Variants in OPRL1 observed in about 807,000 individuals in gnomAD.
The protein encoded by OPRL1 is opioid related nociceptin receptor 1.
A neutral mutation model predicts 15.5 loss-of-function variants in OPRL1; 5 were observed. That is an observed-to-expected ratio of 0.32 (90% CI 0.17 to 0.68). The LOEUF (loss-of-function observed/expected upper bound fraction) is 0.68, where lower values mean the gene tolerates loss of function less well. Among genes scored for constraint, OPRL1 ranks in the 30% least tolerant of loss-of-function variants. The pLI is 0.72. For missense variants in OPRL1, 406 were observed against 515.3 expected (o/e 0.79, Z 2.05); for synonymous variants, 223 against 230.2 (o/e 0.97, Z 0.28).
Position 64,083,644 on chromosome 20 carries a change from TC to T in OPRL1, c.-185+3294del. On this transcript the variant is annotated intron_variant, in intron 1 of 4. Transcript: ENST00000336866. This position sits in a 1 kb window ranked among gnomAD's most constrained non-coding sequence, Gnocchi z 4.9. ...CTTCAGCTGCGGCGGCAGGAACAGC[TC>T]CAGCCGGATGGCGGCGCGCGCGGAC... 6.9e-7 allele frequency: 1 copy of T among 1,451,370 alleles called. No individual in the cohort carries two copies. The highest frequency in any genetic ancestry group is 9.0e-7 in the Non-Finnish European group (1 of 1,107,076). 89.9% of individuals were successfully genotyped at this position (1,451,370 alleles called of 1,614,324 possible). A position where few individuals can be genotyped will look rare whatever the true frequency, so the allele number is the denominator to read the frequency against.
rs1431141923 is a variant in OPRL1, at chr20:64,083,651, G to T, written c.-185+3299G>T. 6.9e-7 allele frequency: 1 copy of T among 1,444,360 alleles called. No homozygotes were observed. The allele number at this position is 1,444,360 out of a possible 1,614,324, so 89.5% of individuals were successfully genotyped here. A position where few individuals can be genotyped will look rare whatever the true frequency, so the allele number is the denominator to read the frequency against. On this transcript the variant is annotated intron_variant, in intron 1 of 4. Coordinates refer to ENST00000336866, the MANE Select transcript of OPRL1 (RefSeq NM_182647.4). The surrounding 1 kb of genome is among the most constrained non-coding windows in gnomAD (Gnocchi z 4.9). ...TGCGGCGGCAGGAACAGCTCCAGCC[G>T]GATGGCGGCGCGCGCGGACTTCTGC...
intron 1 of OPRL1, among the ~76,000 whole-genome samples, chr20:64,080,815 C>T (rs2059958841): frequency 1.3e-5 from 2 of 152,222 alleles, no homozygotes; most frequent in African/African-American, 4.8e-5. Flanking sequence ...GCACTCCACC[C>T]GGATAGTTCC....
intron 2 of OPRL1, 25 bp from the exon 3 acceptor site, chr20:64,092,663 C>A: frequency 6.5e-7 from 1 of 1,545,124 alleles, no homozygotes; most frequent in Non-Finnish European, 8.8e-7. Flanking sequence ...GCACTGCAGC[C>A]ACTTGTCTCT....
intron 3 of OPRL1, among the ~76,000 whole-genome samples, chr20:64,094,429 G>T (rs191066372): frequency 2.2e-4 from 1 of 4,500 alleles, no homozygotes; most frequent in Non-Finnish European, 4.3e-4. Flanking sequence ...AGTGTGGGGG[G>T]CAGTGTGGGG....
Position 64,083,358 on chromosome 20 carries a change from C to T in OPRL1, c.-185+3006C>T. 6.2e-7 allele frequency: 1 copy of T among 1,602,278 alleles called. No homozygotes were observed. Among genetic ancestry groups the T allele is most frequent in the Non-Finnish European group, 8.5e-7 (1 of 1,174,852 alleles). Reference sequence around the variant, plus strand: ...CCCTCGGGGTCCTGGGGAGTGGCAGCAAAAAGACCAGCGAGCCTTCGGAGA... The same window carrying T: ...CCCTCGGGGTCCTGGGGAGTGGCAGTAAAAAGACCAGCGAGCCTTCGGAGA... On this transcript the variant is annotated intron_variant, in intron 1 of 4. Coordinates refer to ENST00000336866, the MANE Select transcript of OPRL1 (RefSeq NM_182647.4). The surrounding 1 kb of genome is among the most constrained non-coding windows in gnomAD (Gnocchi z 4.9).
Position 64,083,404 on chromosome 20 carries a change from G to A in OPRL1, c.-185+3052G>A, listed in dbSNP as rs1422087178. The A allele has an allele frequency of 6.2e-7, 1 of 1,611,758 alleles. No homozygotes were observed. Among genetic ancestry groups the A allele is most frequent in the Non-Finnish European group, 8.5e-7 (1 of 1,179,564 alleles). On this transcript the variant is annotated intron_variant, in intron 1 of 4. Transcript: ENST00000336866. The surrounding 1 kb of genome is among the most constrained non-coding windows in gnomAD (Gnocchi z 4.9). ...GGAGAATTATAACTTTATGTGGGAG[G>A]CTGGGGCGCGTCGCACACTCTCAGT...
At chr20:64,085,597 T>C (rs143970092) in intron 1 of OPRL1, among the ~76,000 whole-genome samples, 8 of 152,358 alleles carry the variant, frequency 5.3e-5, no homozygotes, top group African/African-American at 1.9e-4. Flanking sequence ...TTCACGTGCT[T>C]ATTCCACAGT....
chr20:64,087,623 C>T (rs928142428), intron 1 of OPRL1, among the ~76,000 whole-genome samples: 4 of 144,336 alleles, frequency 2.8e-5, no homozygotes, highest in South Asian at 2.3e-4. Context: ...CTAGTATCCT[C>T]GCACACAAGC....
At position 64,089,423 on chromosome 20, in the gene OPRL1, G is replaced by A. The variant is rs183437710; in HGVS notation, c.-184-2543G>A. On this transcript the variant is annotated intron_variant, in intron 1 of 4. Coordinates refer to ENST00000336866, the MANE Select transcript of OPRL1 (RefSeq NM_182647.4). This position sits in a 1 kb window ranked among gnomAD's most constrained non-coding sequence, Gnocchi z 5.5. Reference sequence around the variant, plus strand: ...TGGGTGAGAAGGCTTGGGGTCAAAAGAGGTGGGGGTCAGGGAGCTAGGTCT... The same window carrying A: ...TGGGTGAGAAGGCTTGGGGTCAAAAAAGGTGGGGGTCAGGGAGCTAGGTCT... 2.0e-5 allele frequency among the ~76,000 whole-genome samples: 3 copies of A among 152,094 alleles called. No individual in the cohort carries two copies. In the East Asian group the frequency reaches 5.8e-4, roughly 29 times the overall value.
rs550342271 is a variant in OPRL1 at position 64,099,155 on chromosome 20, G to T, written c.*356G>T. On this transcript the variant is annotated 3_prime_UTR_variant, in exon 5 of 5. Transcript: ENST00000336866. ...CCTCCCCGTGCTTCATGTGACTCTTGGCCTCTCTGCTGCTGCGTTGGCAGA... is the reference window on the plus strand; with the variant it reads ...CCTCCCCGTGCTTCATGTGACTCTTTGCCTCTCTGCTGCTGCGTTGGCAGA... The T allele has an allele frequency of 2.9e-5, 10 of 339,050 alleles. No homozygotes were observed. The East Asian group carries it at 4.8e-4, about 16-fold the overall frequency. 21.0% of individuals were successfully genotyped at this position (339,050 alleles called of 1,614,324 possible).
In OPRL1 at chr20:64,098,495, C is replaced by T. The variant is rs1239386537; in HGVS notation, c.809C>T (p.Ala270Val). The change falls in exon 5 of 5, where the codon GCT (alanine) becomes GTT (valine). Residue 270 changes from alanine to valine, a missense_variant. Coordinates refer to ENST00000336866, the MANE Select transcript of OPRL1 (RefSeq NM_182647.4). ...ACTCGGCTGGTGCTGGTGGTAGTGG[C>T]TGTGTTCGTGGGCTGCTGGACGCCT... Reference protein sequence around the residue: ...RITRLVLVVVAVFVGCWTPVQ... With the variant: ...RITRLVLVVVVVFVGCWTPVQ... The T allele has an allele frequency of 1.2e-6, 2 of 1,613,064 alleles. No homozygotes were observed. Among genetic ancestry groups the T allele is most frequent in the Non-Finnish European group, 1.7e-6 (2 of 1,180,012 alleles).
intron 1 of OPRL1, among the ~76,000 whole-genome samples, chr20:64,086,098 CGCT>C (rs1453259355): frequency 6.6e-6 from 1 of 152,184 alleles, no homozygotes; most frequent in African/African-American, 2.4e-5. Flanking sequence ...ACCCAGCAGC[CGCT>C]TTCTCTGGGC....
At chr20:64,085,911 C>T (rs2060043958) in intron 1 of OPRL1, among the ~76,000 whole-genome samples, 1 of 152,226 alleles carries the variant, frequency 6.6e-6, no homozygotes, top group African/African-American at 2.4e-5. Flanking sequence ...CCCCATCCCA[C>T]AGCTAGGCCC....
chr20:64,083,542 GCC>G lies in OPRL1; in HGVS notation c.-185+3193_-185+3194del, dbSNP rs745638296. 149 of 1,542,764 alleles carry G rather than the reference GCC, an allele frequency of 9.7e-5. No homozygotes were observed. In the African/African-American group the frequency reaches 2.0e-3, roughly 20 times the overall value. On this transcript the variant is annotated intron_variant, in intron 1 of 4. Coordinates refer to ENST00000336866, the MANE Select transcript of OPRL1 (RefSeq NM_182647.4). The surrounding 1 kb of genome is among the most constrained non-coding windows in gnomAD (Gnocchi z 4.9). Reference sequence around the variant, plus strand: ...TCCGGCGTGTGCGGAGGCGGGCAGGGCCCCTCCCCTTTCCCCGCCCCTACCGG... The same window carrying G: ...TCCGGCGTGTGCGGAGGCGGGCAGGGCCTCCCCTTTCCCCGCCCCTACCGG...
In OPRL1 at chr20:64,097,901, C is replaced by T. The variant is rs761519243; in HGVS notation, c.333C>T (p.Ile111=). The change falls in exon 4 of 5, where the codon ATC becomes ATT. Residue 111 remains isoleucine, a synonymous_variant. Transcript: ENST00000336866. The surrounding 1 kb of genome is among the most constrained non-coding windows in gnomAD (Gnocchi z 4.2). ...CGCTGCCCTTCCAGGGCACGGACATCCTCCTGGGCTTCTGGCCGTTTGGGA... is the reference window on the plus strand; with the variant it reads ...CGCTGCCCTTCCAGGGCACGGACATTCTCCTGGGCTTCTGGCCGTTTGGGA... ...LLTLPFQGTD[I]LLGFWPFGNA... is the part of the protein sequence containing the mutation. The T allele has an allele frequency of 6.2e-7, 1 of 1,613,664 alleles. No individual in the cohort carries two copies. Among genetic ancestry groups the T allele is most frequent in the Admixed American group, 1.7e-5 (1 of 60,036 alleles).
chr20:64,084,233 G>C (rs1601627758), intron 1 of OPRL1: 1 of 1,369,328 alleles, frequency 7.3e-7, no homozygotes, highest in East Asian at 3.1e-5. Flanking sequence ...CCCGCCCTGC[G>C]GAGGGAGGAG....
Position 64,092,796 on chromosome 20 carries a change from A to G in OPRL1, c.76A>G (p.Ser26Gly). Reference protein sequence around the residue: ...SHLQGNLSLLSPNHSLLPPHL... With the variant: ...SHLQGNLSLLGPNHSLLPPHL... ...CCTTCAGGGCAACCTGTCCCTCCTG[A>G]GCCCCAACCACAGTCTGCTGCCCCC... The change falls in exon 3 of 5, where the codon AGC becomes GGC. Residue 26 changes from serine (S) to glycine (G), a missense_variant. Ser to Gly is a moderately conservative substitution (Grantham distance 56, BLOSUM62 0). Transcript: ENST00000336866. 1 of 1,612,690 alleles carries G rather than the reference A, an allele frequency of 6.2e-7. No homozygotes were observed. Among genetic ancestry groups the G allele is most frequent in the Non-Finnish European group, 8.5e-7 (1 of 1,179,936 alleles).
At chr20:64,081,376 G>A (rs1029397091) in intron 1 of OPRL1, among the ~76,000 whole-genome samples, 1 of 152,230 alleles carries the variant, frequency 6.6e-6, no homozygotes, top group Non-Finnish European at 1.5e-5. Context: ...CCTGGCCCAG[G>A]CCACACACAA....
chr20:64,082,818 T>TGG (rs1175954785), intron 1 of OPRL1, among the ~76,000 whole-genome samples: 8 of 25,258 alleles, frequency 3.2e-4, no homozygotes, highest in African/African-American at 7.7e-4. Flanking sequence ...TGTGTGTGTG[T>TGG]GGGGGGGTGG....
Sources: gnomAD v4.1 joint callset for allele counts (sites outside exome capture counted in the v4.1 genomes callset) on GRCh38, gnomAD v4.1.1 for gene constraint, Gnocchi (gnomAD v3.1) non-coding constraint, MANE v1.5 for transcripts, NCBI Gene and HGNC (gene_info 2026-07-23, HGNC 2026-07-21) for gene names.